Variants in SRP68 observed in about 807,000 individuals in gnomAD.
SRP68 encodes signal recognition particle subunit SRP68.
SRP68 carries 15 observed loss-of-function variants against 82.2 expected under a neutral mutation model. The observed-to-expected ratio is 0.18, with a 90% CI of 0.12 to 0.28. The LOEUF is 0.28. Among genes scored for constraint, SRP68 ranks in the 10% least tolerant of loss-of-function variants. SRP68 has a pLI of 1.00. For missense variants in SRP68, 595 were observed against 780.5 expected, an observed-to-expected ratio of 0.76 and a Z score of 2.83; for synonymous variants, 261 against 292.6, an observed-to-expected ratio of 0.89 and a Z score of 1.10.
Position 76,039,456 on chromosome 17 carries a change from G to A in SRP68, c.*250C>T, listed in dbSNP as rs957103323. 2.6e-5 allele frequency: 17 copies of A among 645,656 alleles called. No homozygotes were observed. The highest frequency in any genetic ancestry group is 1.1e-4 in the African/African-American group (6 of 55,992). 40.0% of individuals were successfully genotyped at this position (645,656 alleles called of 1,614,324 possible). A position where few individuals can be genotyped will look rare whatever the true frequency, so the allele number is the denominator to read the frequency against. The stretch of plus-strand genomic sequence containing the variant: ...AGCTCACAGGGCACCAGACAGCAGC[G>A]GCCCCTTTCCCAGGAGGTACAGGAG... On this transcript the variant is annotated 3_prime_UTR_variant, in exon 16 of 16. Coordinates refer to ENST00000307877, the MANE Select transcript of SRP68 (RefSeq NM_014230.4).
chr17:76,057,564 G>C (rs1237012837), intron 7 of SRP68, 21 bp from the exon 8 acceptor site: 2 of 1,613,686 alleles, frequency 1.2e-6, no homozygotes, highest in South Asian at 1.1e-5. Flanking sequence ...GTTTAAAAAA[G>C]TTAAAGCTTT....
intron 8 of SRP68, among the ~76,000 whole-genome samples, chr17:76,051,263 A>G (rs1466632695): frequency 6.6e-6 from 1 of 152,220 alleles, no homozygotes; most frequent in East Asian, 1.9e-4. Context: ...TAAGTGAGAA[A>G]GTGATTCACT....
intron 9 of SRP68, chr17:76,049,580 AG>A (rs2066656908): frequency 6.6e-6 from 1 of 152,232 alleles, no homozygotes; most frequent in Non-Finnish European, 1.5e-5. Flanking sequence ...CACCAGCTCA[AG>A]TCTGAACTGA....
chr17:76,060,722 C>T, intron 6 of SRP68: 1 of 341,998 alleles, frequency 2.9e-6, no homozygotes, highest in South Asian at 4.7e-5. Context: ...GTAACAAATG[C>T]ACCCCTCTGG....
chr17:76,039,503 T>G lies in SRP68; in HGVS notation c.*203A>C. The G allele has an allele frequency of 1.5e-6, 1 of 650,356 alleles. No individual in the cohort carries two copies. 40.3% of individuals were successfully genotyped at this position (650,356 alleles called of 1,614,324 possible). ...GGAGACAGGATGACCCTGCACACATTTACCAGAAGACAACAGGGTGCTCTC... is the reference window on the plus strand; with the variant it reads ...GGAGACAGGATGACCCTGCACACATGTACCAGAAGACAACAGGGTGCTCTC... On this transcript the variant is annotated 3_prime_UTR_variant, in exon 16 of 16. Coordinates refer to ENST00000307877, the MANE Select transcript of SRP68 (RefSeq NM_014230.4).
chr17:76,060,637 C>A (rs1374594776), intron 6 of SRP68: 2 of 443,954 alleles, frequency 4.5e-6, no homozygotes, highest in Non-Finnish European at 8.0e-6. Context: ...ATAGAATGTA[C>A]AACATCAAGC....
intron 15 of SRP68, 85 bp downstream of exon 15, chr17:76,040,334 G>C (rs934635132): frequency 2.3e-6 from 3 of 1,315,540 alleles, no homozygotes; most frequent in African/African-American, 2.9e-5. Flanking sequence ...AGAAATTTAG[G>C]GTCCACTGCT....
chr17:76,041,892 C>CTT (rs370234712), intron 13 of SRP68, among the ~76,000 whole-genome samples: 1 of 149,618 alleles, frequency 6.7e-6, no homozygotes. Context: ...CCTTTGCTTG[C>CTT]TTTTTTTTTT....
At position 76,071,588 on chromosome 17, in the gene SRP68, T is replaced by C. The variant is rs956635390; in HGVS notation, c.184+720A>G. Among the ~76,000 whole-genome samples the C allele has an allele frequency of 6.6e-6, 1 of 152,212 alleles. No homozygotes were observed. The highest frequency in any genetic ancestry group is 2.4e-5 in the African/African-American group (1 of 41,466). On this transcript the variant is annotated intron_variant, in intron 1 of 15. Transcript: ENST00000307877. This position sits in a 1 kb window ranked among gnomAD's most constrained non-coding sequence, Gnocchi z 4.7. ...TTTAACTCCAAGCGCCTGAGAACTTTAAGCACATTAAGATGTCAAGTTGAA... is the reference window on the plus strand; with the variant it reads ...TTTAACTCCAAGCGCCTGAGAACTTCAAGCACATTAAGATGTCAAGTTGAA...
intron 8 of SRP68, among the ~76,000 whole-genome samples, chr17:76,055,084 G>A (rs2066703278): frequency 6.6e-6 from 1 of 151,432 alleles, no homozygotes; most frequent in Admixed American, 6.6e-5. Context: ...AGCCTCCCGA[G>A]TAGCTGGGAT....
intron 7 of SRP68, among the ~76,000 whole-genome samples, chr17:76,059,788 T>TC (rs2066737937): frequency 1.8e-5 from 1 of 55,880 alleles, no homozygotes; most frequent in Non-Finnish European, 2.8e-5. Context: ...TAAGACTGTC[T>TC]CAAAAAAAAA....
intron 10 of SRP68, among the ~76,000 whole-genome samples, chr17:76,047,292 T>G (rs2066639279): frequency 6.6e-6 from 1 of 152,058 alleles, no homozygotes; most frequent in Non-Finnish European, 1.5e-5. Context: ...TAATTCAAAC[T>G]CTTGGGCTCA....
chr17:76,053,337 C>T (rs12943034), intron 8 of SRP68: 24,227 of 328,830 alleles, frequency 0.074, 4,318 homozygotes, highest in African/African-American at 0.43. Flanking sequence ...AGAGCTACGG[C>T]GCCCGTTTTA....
At chr17:76,047,787 TCAAAAAAAAAAA>T (rs2066642182) in intron 10 of SRP68, 107 bp downstream of exon 10, 1 of 306,538 alleles carries the variant, frequency 3.3e-6, no homozygotes, top group Non-Finnish European at 4.7e-6. Flanking sequence ...AGATCCTGTC[TCAAAAAAAAAAA>T]CAAAGAAAAG....
At chr17:76,058,249 G>A (rs932740311) in intron 7 of SRP68, among the ~76,000 whole-genome samples, 2 of 151,740 alleles carry the variant, frequency 1.3e-5, no homozygotes, top group African/African-American at 4.8e-5. Flanking sequence ...CACCTCCCAA[G>A]TAGCTGGGAT....
intron 4 of SRP68, chr17:76,061,786 C>T (rs1259384547): frequency 9.2e-6 from 3 of 327,586 alleles, no homozygotes; most frequent in Non-Finnish European, 1.7e-5. Flanking sequence ...ATAGCAAGAC[C>T]CTGCCTCTAC....
intron 2 of SRP68, among the ~76,000 whole-genome samples, chr17:76,067,991 G>A (rs1466354165): frequency 6.6e-6 from 1 of 152,044 alleles, no homozygotes; most frequent in African/African-American, 2.4e-5. Flanking sequence ...ACTGATGGCG[G>A]GGCCTAGAAA....
chr17:76,053,552 G>A, intron 8 of SRP68: 3 of 985,316 alleles, frequency 3.0e-6, no homozygotes, highest in Non-Finnish European at 3.6e-6. Flanking sequence ...CTAAGCCTCT[G>A]CATCAAGGTG....
intron 7 of SRP68, 138 bp from the exon 8 acceptor site, chr17:76,057,681 C>G (rs2066722169): frequency 9.9e-7 from 1 of 1,010,766 alleles, no homozygotes; most frequent in African/African-American, 1.6e-5. Context: ...ACACCAATTT[C>G]TTTCATTTTT....
Sources: gnomAD v4.1 joint callset for allele counts (sites outside exome capture counted in the v4.1 genomes callset) on GRCh38, gnomAD v4.1.1 for gene constraint, Gnocchi (gnomAD v3.1) non-coding constraint, MANE v1.5 for transcripts, NCBI Gene and HGNC (gene_info 2026-07-23, HGNC 2026-07-21) for gene names.